The following TMPRSS11F variants were observed in gnomAD, a reference collection of about 807,000 sequenced individuals.
TMPRSS11F encodes the protein transmembrane serine protease 11F.
TMPRSS11F carries 47 observed loss-of-function variants against 60.2 expected under a neutral mutation model. The ratio of observed to expected loss-of-function variants is 0.78; its 90% CI spans 0.62 to 1.00. The LOEUF (loss-of-function observed/expected upper bound fraction) is 1.00. Ranked by LOEUF, TMPRSS11F falls within the 50% of genes least tolerant of loss-of-function variation. TMPRSS11F has a pLI of 0.00. For missense variants in TMPRSS11F, 519 were observed against 522.9 expected, an observed-to-expected ratio of 0.99 and a Z score of 0.07; for synonymous variants, 166 against 167.3, an observed-to-expected ratio of 0.99 and a Z score of 0.06.
intron 1 of TMPRSS11F, among the ~76,000 whole-genome samples, chr4:68,124,766 G>GT (rs11443487): frequency 0.31 from 47,100 of 151,592 alleles, 7,455 homozygotes; most frequent in East Asian, 0.49. Flanking sequence ...ACTAGATTTT[G>GT]TTTTTTTCTT....
chr4:68,064,267 C>A (rs1448912699), intron 8 of TMPRSS11F, among the ~76,000 whole-genome samples: 1 of 151,738 alleles, frequency 6.6e-6, no homozygotes, highest in South Asian at 2.1e-4. Flanking sequence ...TCATTGCAAC[C>A]TCTGCCTCCT....
At chr4:68,054,771 T>G (rs1314120541) in intron 9 of TMPRSS11F, among the ~76,000 whole-genome samples, 1 of 152,160 alleles carries the variant, frequency 6.6e-6, no homozygotes, top group Non-Finnish European at 1.5e-5. Context: ...ATTCTATGTC[T>G]GAGGCAATCT....
chr4:68,076,457 C>T (rs1206041393), intron 3 of TMPRSS11F, among the ~76,000 whole-genome samples: 2 of 152,302 alleles, frequency 1.3e-5, no homozygotes, highest in Middle Eastern at 3.4e-3. Flanking sequence ...GCACTCTGGT[C>T]TGACAATATC....
In TMPRSS11F at chr4:68,129,732, C is replaced by A; in HGVS notation, c.11+78G>T. ...GTTTAAATCAATCTCCACCAGCCAACATCTGTACTACCTGTCTCAGGAATT... is the reference window on the plus strand; with the variant it reads ...GTTTAAATCAATCTCCACCAGCCAAAATCTGTACTACCTGTCTCAGGAATT... On this transcript the variant is annotated intron_variant, in intron 1 of 9. Transcript: ENST00000356291. The A allele has an allele frequency of 2.2e-6, 3 of 1,339,068 alleles. No individual in the cohort carries two copies. In the South Asian group the frequency reaches 3.7e-5, roughly 17 times the overall value. 82.9% of individuals were successfully genotyped at this position (1,339,068 alleles called of 1,614,324 possible).
chr4:68,092,626 A>C (rs886123148), intron 2 of TMPRSS11F, among the ~76,000 whole-genome samples: 11 of 152,120 alleles, frequency 7.2e-5, no homozygotes, highest in African/African-American at 2.4e-4. Context: ...AAACTGTCTA[A>C]TCAACTCTCA....
At chr4:68,122,106 TTCTC>T (rs1271634447) in intron 1 of TMPRSS11F, among the ~76,000 whole-genome samples, 1 of 152,220 alleles carries the variant, frequency 6.6e-6, no homozygotes, top group Admixed American at 6.5e-5. Flanking sequence ...AATCACCTAA[TTCTC>T]AAGATGTTTA....
chr4:68,108,046 T>C (rs1467178276), intron 1 of TMPRSS11F, among the ~76,000 whole-genome samples: 2 of 152,132 alleles, frequency 1.3e-5, no homozygotes, highest in Non-Finnish European at 2.9e-5. Context: ...GCAGCGAAGA[T>C]GTGAAAAGTG....
chr4:68,083,582 C>T (rs1560400517), intron 3 of TMPRSS11F, among the ~76,000 whole-genome samples: 1 of 152,020 alleles, frequency 6.6e-6, no homozygotes, highest in African/African-American at 2.4e-5. Context: ...AACTTTGGCC[C>T]TCTGAAAGCA....
intron 3 of TMPRSS11F, among the ~76,000 whole-genome samples, chr4:68,084,231 T>G (rs1405889555): frequency 2.0e-5 from 3 of 151,940 alleles, no homozygotes; most frequent in Non-Finnish European, 4.4e-5. Context: ...GAGGAACAAC[T>G]TGCAAAACAT....
chr4:68,058,071 A>AG (rs1553884735), intron 9 of TMPRSS11F, among the ~76,000 whole-genome samples: 4 of 152,150 alleles, frequency 2.6e-5, no homozygotes, highest in Non-Finnish European at 1.5e-5. Context: ...GGGTGAGCCT[A>AG]GGCGGGTGGA....
intron 8 of TMPRSS11F, chr4:68,062,301 G>A (rs1346902629): frequency 2.3e-6 from 1 of 439,988 alleles, no homozygotes; most frequent in Non-Finnish European, 4.4e-6. Flanking sequence ...ATTTCTGGAG[G>A]ACTGTTAGTT....
chr4:68,129,780 A>G, intron 1 of TMPRSS11F, 30 bp downstream of exon 1: 1 of 1,610,458 alleles, frequency 6.2e-7, no homozygotes, highest in Non-Finnish European at 8.5e-7. Context: ...CCCCACTGAT[A>G]ACCTTTACTG....
intron 1 of TMPRSS11F, among the ~76,000 whole-genome samples, 200 bp from the exon 2 acceptor site, chr4:68,099,238 T>A (rs897597904): frequency 6.6e-6 from 1 of 152,182 alleles, no homozygotes; most frequent in Admixed American, 6.5e-5. Context: ...TAGACAAAGT[T>A]CTGCTGATGT....
chr4:68,094,249 G>A (rs1724017922), intron 2 of TMPRSS11F, among the ~76,000 whole-genome samples: 1 of 113,916 alleles, frequency 8.8e-6, no homozygotes, highest in African/African-American at 3.0e-5. Flanking sequence ...GTCCTTTGTA[G>A]GGACATGGAT....
chr4:68,058,672 A>G (rs894012304), intron 9 of TMPRSS11F, among the ~76,000 whole-genome samples: 8 of 152,222 alleles, frequency 5.3e-5, no homozygotes, highest in Non-Finnish European at 1.2e-4. Flanking sequence ...AAATAGAACA[A>G]AGAAAGGACA....
At chr4:68,072,646 A>G (rs533449804) in intron 4 of TMPRSS11F, among the ~76,000 whole-genome samples, 160 bp from the exon 5 acceptor site, 4 of 152,226 alleles carry the variant, frequency 2.6e-5, no homozygotes, top group Admixed American at 1.3e-4. Flanking sequence ...TGAGTGTATA[A>G]TAACCAGGAA....
intron 2 of TMPRSS11F, among the ~76,000 whole-genome samples, chr4:68,096,510 G>C (rs962491818): frequency 2.6e-5 from 4 of 152,142 alleles, no homozygotes; most frequent in African/African-American, 9.6e-5. Context: ...TTACTGCGCA[G>C]CCTGTGGTTC....
chr4:68,082,323 T>A (rs1349436531), intron 3 of TMPRSS11F, among the ~76,000 whole-genome samples: 6 of 152,208 alleles, frequency 3.9e-5, no homozygotes, highest in African/African-American at 1.2e-4. Flanking sequence ...AGAGAGCTCC[T>A]GCCTGCATGG....
chr4:68,116,341 A>G (rs1484778987), intron 1 of TMPRSS11F, among the ~76,000 whole-genome samples: 1 of 152,184 alleles, frequency 6.6e-6, no homozygotes, highest in African/African-American at 2.4e-5. Context: ...GTTAAACATT[A>G]AAAAATGCAC....
Sources: gnomAD v4.1 joint callset for allele counts (sites outside exome capture counted in the v4.1 genomes callset) on GRCh38, gnomAD v4.1.1 for gene constraint, MANE v1.5 for transcripts, NCBI Gene and HGNC (gene_info 2026-07-23, HGNC 2026-07-21) for gene names.